The following CT45A10 variants were observed in gnomAD, a reference collection of about 807,000 sequenced individuals.
The protein encoded by CT45A10 is cancer/testis antigen family 45 member A10.
Under a neutral mutation model 8.3 loss-of-function variants are expected in CT45A10, and 19 were observed. The ratio of observed to expected loss-of-function variants is 2.30; its 90% CI spans 1.61 to 3.38. CT45A10 has a LOEUF of 3.38. Ranked by LOEUF, CT45A10 falls within the 30% of genes most tolerant of loss-of-function variation. CT45A10 has a pLI of 0.00. For synonymous variants in CT45A10, 28 were observed against 26.5 expected (o/e 1.06, Z -0.17); for missense variants, 149 against 85.9 (o/e 1.73, Z -2.90).
At chrX:135,891,410 A>C (rs1422563841) in intron 1 of CT45A10, among the ~76,000 whole-genome samples, 3 of 107,578 alleles carry the variant, frequency 2.8e-5, no homozygotes, top group East Asian at 5.6e-4. Flanking sequence ...ATATAATATA[A>C]TATTTTATAT....
At chrX:135,883,611 G>A (rs1316868860) in intron 2 of CT45A10, among the ~76,000 whole-genome samples, 1 of 102,287 alleles carries the variant, frequency 9.8e-6, no homozygotes, top group Non-Finnish European at 2.0e-5. Flanking sequence ...GTACTCATGG[G>A]ACAGTTTCAG....
intron 1 of CT45A10, among the ~76,000 whole-genome samples, chrX:135,891,166 T>C (rs1808536752): frequency 1.8e-5 from 2 of 111,361 alleles, no homozygotes; most frequent in Admixed American, 1.9e-4. Flanking sequence ...ATATAAGATA[T>C]TAGCTTTACA....
At chrX:135,891,507 A>G (rs1556590037) in intron 1 of CT45A10, among the ~76,000 whole-genome samples, 1 of 109,516 alleles carries the variant, frequency 9.1e-6, no homozygotes, top group African/African-American at 3.3e-5. Flanking sequence ...CAAACATCGC[A>G]ATAAAATTTG....
rs1281924741 is a variant in CT45A10, at chrX:135,882,601, T to C, written c.447A>G (p.Glu149=). 8.6e-5 allele frequency: 99 copies of C among 1,156,376 alleles called. 2 individuals carry two copies. The highest frequency in any genetic ancestry group is 3.3e-4 in the Middle Eastern group (1 of 3,011). ...TGACTGCAGTAGGTCCTTGCACTCC[T>C]TCAAGCATTTCGAAGATTTTTTCAT... ...RKYEKIFEML[E]GVQGPTAVRK... Residue 149 remains glutamate, a synonymous_variant, in exon 4 of 5, where the codon GAA becomes GAG. Coordinates refer to ENST00000682849, the MANE Select transcript of CT45A10 (RefSeq NM_001291529.2).
At position 135,890,210 on chromosome X, in the gene CT45A10, G is replaced by A. The variant is rs138309907; in HGVS notation, c.-7+3135C>T. Among the ~76,000 whole-genome samples the A allele has an allele frequency of 4.5e-3, 505 of 112,409 alleles. 3 individuals are homozygous for A. Among genetic ancestry groups the A allele is most frequent in the African/African-American group, 0.014 (440 of 30,970 alleles). On this transcript the variant is annotated intron_variant, in intron 1 of 4. Transcript: ENST00000682849. ...CCAGTGCCTGAGGAGTTTTGTCTGC[G>A]GCTCATCCTGCTACATTTCTTGGTT...
chrX:135,883,085 G>T lies in CT45A10; in HGVS notation c.341C>A (p.Ser114Tyr), dbSNP rs1209097838. The change falls in exon 3 of 5, where the codon TCC (serine) becomes TAC (tyrosine). Residue 114 changes from serine (S) to tyrosine (Y), a missense_variant. Transcript: ENST00000682849. Reference sequence around the variant, plus strand: ...AATTTCTTGTTGGCTTTTGGGAGAGGAGGCTATTCCTCTGCATTCTAGGTC... The same window carrying T: ...AATTTCTTGTTGGCTTTTGGGAGAGTAGGCTATTCCTCTGCATTCTAGGTC... ...GDDLECRGIA[S>Y]SPKSQQEINA... 5.8e-6 allele frequency: 7 copies of T among 1,197,149 alleles called. No homozygotes were observed. The highest frequency in any genetic ancestry group is 3.5e-5 in the African/African-American group (2 of 56,480).
Position 135,883,206 on chromosome X carries a change from C to G in CT45A10, c.220G>C (p.Asp74His), listed in dbSNP as rs2088407527. 2 of 1,197,779 alleles carry G rather than the reference C, an allele frequency of 1.7e-6. No individual in the cohort carries two copies. The highest frequency in any genetic ancestry group is 4.4e-5 in the Admixed American group (2 of 45,760). The stretch of plus-strand genomic sequence containing the variant: ...TCTTTGCTGAAACCAGTGAAGTCAT[C>G]AATCTGAGAATCCAATTGGCTGGGT... Reference protein sequence around the residue: ...IPPSQLDSQIDDFTGFSKDGM... With the variant: ...IPPSQLDSQIHDFTGFSKDGM... The change falls in exon 3 of 5, where the codon GAT becomes CAT. Residue 74 changes from aspartate (D) to histidine (H), a missense_variant. Transcript: ENST00000682849.
At chrX:135,883,796 C>A (rs1371514962) in intron 2 of CT45A10, among the ~76,000 whole-genome samples, 7 of 58,630 alleles carry the variant, frequency 1.2e-4, no homozygotes, top group Non-Finnish European at 2.2e-4. Context: ...GCCATTACTG[C>A]TAAAAGTTCT....
In CT45A10 at chrX:135,883,437, T is replaced by C. The variant is rs1329769760; in HGVS notation, c.170-181A>G. On this transcript the variant is annotated intron_variant, in intron 2 of 4. Coordinates refer to ENST00000682849, the MANE Select transcript of CT45A10 (RefSeq NM_001291529.2). ...TGCTCCTCAGTTTCTAGGGAATTATTTATTTCATAAATGGGAGGATACACC... is the reference window on the plus strand; with the variant it reads ...TGCTCCTCAGTTTCTAGGGAATTATCTATTTCATAAATGGGAGGATACACC... Among the ~76,000 whole-genome samples, 3 of 110,019 alleles carry C rather than the reference T, an allele frequency of 2.7e-5. No homozygotes were observed. The Admixed American group carries it at 2.9e-4, about 11-fold the overall frequency.
Position 135,882,560 on chromosome X carries a change from T to G in CT45A10, c.488A>C (p.Glu163Ala). ...CCTTGCTGCTTCCTTGATGATGGAT[T>G]CAAAAAATCGTTTCCTGACTGCAGT... ...GPTAVRKRFFESIIKEAARCM... is the reference protein window; with the variant it reads ...GPTAVRKRFFASIIKEAARCM... The change falls in exon 4 of 5, where the codon GAA becomes GCA. Residue 163 changes from glutamate to alanine, a missense_variant. Coordinates refer to ENST00000682849, the MANE Select transcript of CT45A10 (RefSeq NM_001291529.2). 1 of 1,139,199 alleles carries G rather than the reference T, an allele frequency of 8.8e-7. No individual in the cohort carries two copies. The highest frequency in any genetic ancestry group is 1.2e-6 in the Non-Finnish European group (1 of 855,445). The allele number at this position is 1,139,199 out of a possible 1,213,427, so 93.9% of individuals were successfully genotyped here. A position where few individuals can be genotyped will look rare whatever the true frequency, so the allele number is the denominator to read the frequency against.
chrX:135,893,315 C>G (rs2088528016), intron 1 of CT45A10, among the ~76,000 whole-genome samples, 30 bp downstream of exon 1: 1 of 112,367 alleles, frequency 8.9e-6, no homozygotes, highest in African/African-American at 3.2e-5. Flanking sequence ...CAGGGAAAAA[C>G]TGCCCCACTC....
intron 1 of CT45A10, among the ~76,000 whole-genome samples, chrX:135,887,427 C>CA (rs2088439671): frequency 1.3e-5 from 1 of 77,750 alleles, no homozygotes; most frequent in African/African-American, 4.3e-5. Context: ...CGTGTAAAAG[C>CA]AAAAAAGATT....
chrX:135,882,169 C>T (rs1475872149), intron 4 of CT45A10, among the ~76,000 whole-genome samples: 1,083 of 31,237 alleles, frequency 0.035, no homozygotes, highest in Non-Finnish European at 0.054. Flanking sequence ...AGAAACCCCA[C>T]TTACCTTGAT....
intron 1 of CT45A10, among the ~76,000 whole-genome samples, chrX:135,890,056 C>T (rs2088486182): frequency 8.9e-6 from 1 of 112,085 alleles, no homozygotes; most frequent in Admixed American, 9.5e-5. Context: ...TTTATCACGA[C>T]TCTTTCACGT....
At chrX:135,883,299 G>T in intron 2 of CT45A10, 43 bp from the exon 3 acceptor site, 2 of 1,194,748 alleles carry the variant, frequency 1.7e-6, no homozygotes, top group Non-Finnish European at 2.3e-6. Context: ...GTTGGTGTTT[G>T]ACCACTTTCT....
In CT45A10 at chrX:135,890,751, C is replaced by T. The variant is rs574635580; in HGVS notation, c.-7+2594G>A. ...ACATACCAATCATTTAAAATTCCAC[C>T]GTGTTAACAAAATTTTTTCTGAAAA... On this transcript the variant is annotated intron_variant, in intron 1 of 4. Transcript: ENST00000682849. Among the ~76,000 whole-genome samples the T allele has an allele frequency of 1.2e-4, 13 of 111,934 alleles. No individual in the cohort carries two copies. The South Asian group carries it at 3.0e-3, about 26-fold the overall frequency.
intron 2 of CT45A10, 95 bp from the exon 3 acceptor site, chrX:135,883,351 C>A (rs2088410817): frequency 3.4e-6 from 4 of 1,183,210 alleles, no homozygotes; most frequent in East Asian, 6.0e-5. Flanking sequence ...ATCTGGAAAT[C>A]AAACTGAGAA....
At chrX:135,892,511 TGA>T (rs1354544693) in intron 1 of CT45A10, among the ~76,000 whole-genome samples, 4 of 111,033 alleles carry the variant, frequency 3.6e-5, no homozygotes, top group Non-Finnish European at 7.6e-5. Flanking sequence ...CCCTCAGGAC[TGA>T]GAACCAACCA....
intron 3 of CT45A10, 60 bp downstream of exon 3, chrX:135,882,948 G>C (rs1293171437): frequency 1.7e-6 from 2 of 1,156,389 alleles, no homozygotes; most frequent in African/African-American, 3.6e-5. Flanking sequence ...GATATCTTCT[G>C]AATCATAGAA....
Sources: allele counts gnomAD v4.1 joint callset (sites outside exome capture counted in the v4.1 genomes callset), GRCh38; gene constraint gnomAD v4.1.1; transcripts MANE v1.5; gene names NCBI Gene and HGNC (gene_info 2026-07-23, HGNC 2026-07-21).